Variants in CCNY observed in about 807,000 individuals in gnomAD.
CCNY encodes cyclin-Y.
In CCNY, 19 loss-of-function variants were observed where a neutral mutation model predicts 42.8. The ratio of observed to expected loss-of-function variants is 0.44; its 90% CI spans 0.31 to 0.65. CCNY has a LOEUF of 0.65. Ranked by LOEUF, CCNY falls within the 30% of genes least tolerant of loss-of-function variation. The probability of loss-of-function intolerance (pLI) is 0.07; values close to 1 mark genes in which losing one functional copy is unlikely to be tolerated. For missense variants in CCNY, 370 were observed against 437.3 expected (o/e 0.85, Z 1.37); for synonymous variants, 165 against 162.7 (o/e 1.01, Z -0.11).
chr10:35,543,003 G>A (rs893592310), intron 7 of CCNY, among the ~76,000 whole-genome samples: 13 of 152,138 alleles, frequency 8.5e-5, no homozygotes, highest in Admixed American at 6.5e-4. Flanking sequence ...TCATCTTAGC[G>A]CACATCACTG....
chr10:35,565,611 C>T (rs1841553901), intron 8 of CCNY, among the ~76,000 whole-genome samples: 1 of 152,212 alleles, frequency 6.6e-6, no homozygotes, highest in Non-Finnish European at 1.5e-5. Context: ...AAGCCAATGT[C>T]CTCTAGGTCT....
intron 3 of CCNY, among the ~76,000 whole-genome samples, chr10:35,502,894 A>G (rs186947015): frequency 4.2e-4 from 64 of 152,262 alleles, no homozygotes; most frequent in Non-Finnish European, 2.8e-4. Flanking sequence ...ATGCCTGCCA[A>G]GGAGCTTGCA....
chr10:35,419,923 A>ATTTT (rs1218102375), intron 1 of CCNY, among the ~76,000 whole-genome samples: 1 of 135,590 alleles, frequency 7.4e-6, no homozygotes. Context: ...TATGGCTGTA[A>ATTTT]TTTTTTTTTT....
At chr10:35,348,763 G>T (rs1332165558) in intron 1 of CCNY, among the ~76,000 whole-genome samples, 1 of 152,170 alleles carries the variant, frequency 6.6e-6, no homozygotes, top group African/African-American at 2.4e-5. Context: ...CCTGGAGAAT[G>T]GTTCGGGCTG....
chr10:35,372,198 C>T (rs1007255377), intron 1 of CCNY, among the ~76,000 whole-genome samples: 1 of 152,096 alleles, frequency 6.6e-6, no homozygotes, highest in Non-Finnish European at 1.5e-5. Context: ...TGGGGGAACT[C>T]CAGGGTTCCC....
intron 1 of CCNY, among the ~76,000 whole-genome samples, chr10:35,482,126 A>C (rs779781440): frequency 1.3e-5 from 2 of 152,168 alleles, no homozygotes; most frequent in East Asian, 3.9e-4. Context: ...AAATCACCAC[A>C]CTTCAGAAGT....
intron 3 of CCNY, among the ~76,000 whole-genome samples, chr10:35,257,779 C>G (rs2095716690): frequency 6.6e-6 from 1 of 152,128 alleles, no homozygotes. Context: ...TCATATCTTT[C>G]ATCAAGTTTG....
chr10:35,512,010 C>G (rs1245418241), intron 3 of CCNY, among the ~76,000 whole-genome samples: 2 of 152,106 alleles, frequency 1.3e-5, no homozygotes, highest in Non-Finnish European at 2.9e-5. Context: ...AAGGTGGTTA[C>G]TGTAGTGATA....
intron 1 of CCNY, among the ~76,000 whole-genome samples, chr10:35,348,768 G>A (rs1479027671): frequency 2.6e-5 from 4 of 152,178 alleles, no homozygotes; most frequent in Admixed American, 1.3e-4. Flanking sequence ...AGAATGGTTC[G>A]GGCTGGACAG....
In CCNY at chr10:35,483,478, G is replaced by C; in HGVS notation, c.229G>C (p.Val77Leu). The change falls in exon 2 of 10, where the codon GTG becomes CTG. Residue 77 changes from valine (V) to leucine (L), a missense_variant and splice_region_variant. Val to Leu is a conservative substitution (Grantham distance 32). Transcript: ENST00000374704. ...ATTCCTCAGTAAATCTCAGACGGAC[G>C]GTAGGTCCTTAATTTATGTTTCTTT... ...TIFLSKSQTD[V>L]REKRKSLFIN... 6.3e-7 allele frequency: 1 copy of C among 1,578,756 alleles called. No individual in the cohort carries two copies. Among genetic ancestry groups the C allele is most frequent in the African/African-American group, 1.4e-5 (1 of 73,678 alleles).
chr10:35,417,436 T>A (rs3013353), intron 1 of CCNY, among the ~76,000 whole-genome samples: 12,437 of 152,258 alleles, frequency 0.082, 936 homozygotes, highest in African/African-American at 0.2. Flanking sequence ...ACCATCTGTA[T>A]AATGGGGTCA....
chr10:35,315,703 A>G (rs1288554500), intron 3 of CCNY, among the ~76,000 whole-genome samples: 1 of 152,184 alleles, frequency 6.6e-6, no homozygotes, highest in Non-Finnish European at 1.5e-5. Flanking sequence ...ACTAACTTAC[A>G]CTGCCACTAG....
intron 3 of CCNY, among the ~76,000 whole-genome samples, chr10:35,274,532 T>A (rs1835215023): frequency 6.6e-6 from 1 of 152,188 alleles, no homozygotes; most frequent in South Asian, 2.1e-4. Context: ...ACCCTGCAAA[T>A]GGCATATGTT....
In CCNY at chr10:35,251,619, C is replaced by T. The variant is rs558774287; in HGVS notation, c.-9+993C>T. Among the ~76,000 whole-genome samples, 675 of 149,198 alleles carry T rather than the reference C, an allele frequency of 4.5e-3. 1 individual carries two copies. Among genetic ancestry groups the T allele is most frequent in the Non-Finnish European group, 5.9e-3 (398 of 67,544 alleles). On this transcript the variant is annotated intron_variant, in intron 3 of 11. Coordinates refer to the CCNY transcript ENST00000374706. ...TTTTTTTTTTTTTGAGACGGGATCT[C>T]GCTCTGTCATGCAGGCTGGAAGACA... is the stretch of plus-strand genomic sequence containing the variant.
chr10:35,278,054 AAG>A (rs1258854332), intron 3 of CCNY, among the ~76,000 whole-genome samples: 1 of 151,832 alleles, frequency 6.6e-6, no homozygotes. Context: ...GGTGAGGGGA[AAG>A]AGGGGATGAA....
At position 35,324,141 on chromosome 10, in the gene CCNY, TAAG is replaced by T. The variant is rs1158706670; in HGVS notation, c.-9+73519_-9+73521del. Among the ~76,000 whole-genome samples the T allele has an allele frequency of 1.2e-4, 19 of 152,272 alleles. No homozygotes were observed. The East Asian group carries it at 2.1e-3, about 17-fold the overall frequency. Reference sequence around the variant, plus strand: ...CCCAGGAAACGAGGCTCAATTCCTTTAAGAAGCCTCCACTTAGACAGACGACCC... The same window carrying T: ...CCCAGGAAACGAGGCTCAATTCCTTTAAGCCTCCACTTAGACAGACGACCC... On this transcript the variant is annotated intron_variant, in intron 3 of 11. Coordinates refer to the CCNY transcript ENST00000374706.
At chr10:35,566,324 G>A (rs1374331623) in intron 9 of CCNY, 139 bp downstream of exon 9, 3 of 872,312 alleles carry the variant, frequency 3.4e-6, no homozygotes, top group Non-Finnish European at 5.1e-6. Flanking sequence ...ATATATAGCT[G>A]GGCAGTTGAT....
chr10:35,420,862 C>A (rs1838144256), intron 1 of CCNY, among the ~76,000 whole-genome samples: 1 of 152,188 alleles, frequency 6.6e-6, no homozygotes, highest in African/African-American at 2.4e-5. Context: ...ATTCTAATTT[C>A]AAAATCTTAT....
At chr10:35,445,877 T>A (rs1838779825) in intron 1 of CCNY, among the ~76,000 whole-genome samples, 1 of 152,250 alleles carries the variant, frequency 6.6e-6, no homozygotes, top group Admixed American at 6.5e-5. Flanking sequence ...TTTATCATTT[T>A]TTTCTTTCTT....
Sources: allele counts gnomAD v4.1 joint callset (sites outside exome capture counted in the v4.1 genomes callset), GRCh38; gene constraint gnomAD v4.1.1; transcripts MANE v1.5; gene names NCBI Gene and HGNC (gene_info 2026-07-23, HGNC 2026-07-21).